Variants in FBN1 observed in about 807,000 individuals in gnomAD.
The protein encoded by FBN1 is fibrillin-1.
Under a neutral mutation model 365.1 loss-of-function variants are expected in FBN1, and 29 were observed. The ratio of observed to expected loss-of-function variants is 0.08; its 90% CI spans 0.06 to 0.11. The LOEUF is 0.11. Ranked by LOEUF, FBN1 falls within the 10% of genes least tolerant of loss-of-function variation. FBN1 has a pLI of 1.00. For missense variants in FBN1, 2,476 were observed against 3,703.2 expected, an observed-to-expected ratio of 0.67 and a Z score of 8.60; for synonymous variants, 1,210 against 1,270.5, an observed-to-expected ratio of 0.95 and a Z score of 1.01.
At chr15:48,592,375 A>G (rs528213404) in intron 6 of FBN1, among the ~76,000 whole-genome samples, 1 of 152,298 alleles carries the variant, frequency 6.6e-6, no homozygotes, top group South Asian at 2.1e-4. Flanking sequence ...AAGGCATTTA[A>G]CAAGATTTTA....
At chr15:48,436,179 G>A (rs1406192251) in intron 53 of FBN1, among the ~76,000 whole-genome samples, 2 of 152,136 alleles carry the variant, frequency 1.3e-5, no homozygotes, top group African/African-American at 4.8e-5. Flanking sequence ...TAAAAATCCC[G>A]ATACCATTGA....
chr15:48,445,490 C>T lies in FBN1; in HGVS notation c.5803G>A (p.Ala1935Thr). Residue 1935 changes from alanine (A) to threonine (T), a missense_variant, in exon 48 of 66, where the codon GCA (alanine) becomes ACA (threonine). Around this residue, in one of 5 missense-constraint regions of FBN1, gnomAD observed 1,780 missense variants for 2,840.8 expected, o/e 0.63. Coordinates refer to ENST00000316623, the MANE Select transcript of FBN1 (RefSeq NM_000138.5). ...NNDCIDVDECASGNGNLCRNG... is the reference protein window; with the variant it reads ...NNDCIDVDECTSGNGNLCRNG... ...CTGCAAAGATTCCCATTTCCACTTGCACATTCATCAACATCTGCAGAAAAA... is the reference window on the plus strand; with the variant it reads ...CTGCAAAGATTCCCATTTCCACTTGTACATTCATCAACATCTGCAGAAAAA... The T allele has an allele frequency of 6.2e-7, 1 of 1,612,534 alleles. No individual in the cohort carries two copies. The highest frequency in any genetic ancestry group is 8.5e-7 in the Non-Finnish European group (1 of 1,178,934).
rs115779631 is a variant in FBN1 at position 48,489,701 on chromosome 15, A to G, written c.3082+150T>C. 1.3e-3 allele frequency: 952 copies of G among 713,274 alleles called. 6 individuals are homozygous for G. In the African/African-American group the frequency reaches 0.016, roughly 12 times the overall value. The allele number at this position is 713,274 out of a possible 1,614,324, so 44.2% of individuals were successfully genotyped here. On this transcript the variant is annotated intron_variant, in intron 25 of 65. Transcript: ENST00000316623. ...TTGGACCAAACAGTTAAAAACAAAAAGTTCATACTTTTCTAAACAAAGATA... is the reference window on the plus strand; with the variant it reads ...TTGGACCAAACAGTTAAAAACAAAAGGTTCATACTTTTCTAAACAAAGATA...
intron 2 of FBN1, among the ~76,000 whole-genome samples, chr15:48,629,797 G>A (rs1279356921): frequency 6.6e-6 from 1 of 152,158 alleles, no homozygotes; most frequent in African/African-American, 2.4e-5. Context: ...ACACAAATTT[G>A]CAGCAGCACC....
chr15:48,482,509 G>A (rs1048894571), intron 31 of FBN1, among the ~76,000 whole-genome samples: 2 of 152,124 alleles, frequency 1.3e-5, no homozygotes, highest in Non-Finnish European at 2.9e-5. Context: ...ACAATTGCCC[G>A]AGATTACTGA....
At position 48,472,566 on chromosome 15, in the gene FBN1, C is replaced by T. The variant is rs372118067; in HGVS notation, c.4321G>A (p.Gly1441Arg). The T allele has an allele frequency of 3.7e-5, 59 of 1,614,076 alleles. No individual in the cohort carries two copies. The highest frequency in any genetic ancestry group is 2.0e-4 in the Admixed American group (12 of 60,026). The stretch of plus-strand genomic sequence containing the variant: ...CATCAGTTACCTTCACAGGCTTTCC[C>T]GTCAGCACTGGGCACGAAGCCCATG... Reference protein sequence around the residue: ...CDMGFVPSADGKACEDIDECS... With the variant: ...CDMGFVPSADRKACEDIDECS... Residue 1441 changes from glycine to arginine, a missense_variant, in exon 35 of 66, where the codon GGG becomes AGG. Physicochemically the swap from Gly to Arg is moderately radical, Grantham distance 125. This residue lies in a region of FBN1 where 1,780 missense variants were observed against 2,840.8 expected (regional missense o/e 0.63). Coordinates refer to ENST00000316623, the MANE Select transcript of FBN1 (RefSeq NM_000138.5).
At chr15:48,432,797 G>A (rs561349998) in intron 55 of FBN1, 69 bp downstream of exon 55, 2 of 1,588,986 alleles carry the variant, frequency 1.3e-6, no homozygotes, top group East Asian at 4.5e-5. Flanking sequence ...ACTAAGGGAA[G>A]CTTTGAGGGA....
chr15:48,554,804 C>T (rs1371377975), intron 6 of FBN1, among the ~76,000 whole-genome samples: 29 of 152,106 alleles, frequency 1.9e-4, no homozygotes, highest in Admixed American at 1.9e-3. Context: ...CCTATGTGAC[C>T]ATGGGCAAAT....
chr15:48,517,219 T>G (rs900527321), intron 10 of FBN1, among the ~76,000 whole-genome samples: 3 of 152,168 alleles, frequency 2.0e-5, no homozygotes, highest in Non-Finnish European at 2.9e-5. Flanking sequence ...AAAGACAGTG[T>G]GAAGCTTAGA....
intron 6 of FBN1, among the ~76,000 whole-genome samples, chr15:48,556,852 C>T (rs2044184966): frequency 6.6e-6 from 1 of 152,124 alleles, no homozygotes; most frequent in Non-Finnish European, 1.5e-5. Flanking sequence ...TTGTCTCAAG[C>T]ACATATTTTT....
chr15:48,555,334 C>T (rs954907368), intron 6 of FBN1, among the ~76,000 whole-genome samples: 1 of 152,174 alleles, frequency 6.6e-6, no homozygotes, highest in Non-Finnish European at 1.5e-5. Flanking sequence ...AGTCACCCCA[C>T]TCCACGTCTA....
chr15:48,431,312 T>G (rs4775761), intron 55 of FBN1, among the ~76,000 whole-genome samples: 135,952 of 151,756 alleles, frequency 0.9, 61,000 homozygotes, highest in African/African-American at 0.94. Context: ...TGTTGTCCAG[T>G]CTGGTCTCAA....
chr15:48,481,634 G>C (rs2043465656), intron 32 of FBN1, 21 bp downstream of exon 32: 3 of 1,612,472 alleles, frequency 1.9e-6, no homozygotes, highest in Admixed American at 3.3e-5. Flanking sequence ...ATATTTTATT[G>C]TTCTACTTGA....
At chr15:48,549,496 C>G (rs2044124530) in intron 6 of FBN1, among the ~76,000 whole-genome samples, 1 of 152,200 alleles carries the variant, frequency 6.6e-6, no homozygotes, top group Non-Finnish European at 1.5e-5. Context: ...GGGTAAAGCC[C>G]TGCTATAGTA....
intron 50 of FBN1, among the ~76,000 whole-genome samples, chr15:48,438,193 C>G (rs907807506): frequency 4.6e-5 from 7 of 152,096 alleles, no homozygotes; most frequent in Non-Finnish European, 8.8e-5. Context: ...CCAATAAAAT[C>G]CAAAACTGAC....
intron 2 of FBN1, among the ~76,000 whole-genome samples, chr15:48,620,950 C>T (rs1056196963): frequency 6.6e-6 from 1 of 152,174 alleles, no homozygotes; most frequent in Non-Finnish European, 1.5e-5. Context: ...GCTAAACAAA[C>T]ATCCACACTG....
At chr15:48,438,916 C>T (rs952933835) in intron 50 of FBN1, among the ~76,000 whole-genome samples, 2 of 152,186 alleles carry the variant, frequency 1.3e-5, no homozygotes, top group African/African-American at 2.4e-5. Context: ...TACACAGAGG[C>T]CACAATCTGC....
rs2043698082 is a variant in FBN1 at position 48,505,137 on chromosome 15, C to T, written c.1848G>A (p.Glu616=). Residue 616 remains glutamate (E), a synonymous_variant, in exon 16 of 66, where the codon GAG becomes GAA. Coordinates refer to ENST00000316623, the MANE Select transcript of FBN1 (RefSeq NM_000138.5). ...SDGRYCKDIN[E]CETPGICMNG... is the part of the protein sequence containing the mutation. Reference sequence around the variant, plus strand: ...TCATGCAGATCCCAGGGGTTTCACACTCGTTAATGTCTGTGGCAGAGAAAG... The same window carrying T: ...TCATGCAGATCCCAGGGGTTTCACATTCGTTAATGTCTGTGGCAGAGAAAG... The T allele has an allele frequency of 1.2e-6, 2 of 1,614,112 alleles. No homozygotes were observed. The highest frequency in any genetic ancestry group is 8.5e-7 in the Non-Finnish European group (1 of 1,180,012).
chr15:48,515,567 T>C (rs1435625424), intron 11 of FBN1, 40 bp from the exon 12 acceptor site: 3 of 1,610,980 alleles, frequency 1.9e-6, no homozygotes, highest in East Asian at 2.2e-5. Flanking sequence ...ATTTTAACTA[T>C]GGTATCTTTC....
Sources: gnomAD v4.1 joint callset for allele counts (sites outside exome capture counted in the v4.1 genomes callset) on GRCh38, gnomAD v4.1.1 for gene constraint, gnomAD v4.1.1 regional missense constraint, MANE v1.5 for transcripts, NCBI Gene and HGNC (gene_info 2026-07-23, HGNC 2026-07-21) for gene names.